CCDC88C: variants seen among roughly 807,000 people sequenced by gnomAD.
The protein encoded by CCDC88C is coiled-coil and HOOK domain protein 88C.
In CCDC88C, 131 loss-of-function variants were observed where a neutral mutation model predicts 198.8. The observed-to-expected ratio is 0.66, with a 90% CI of 0.57 to 0.76. CCDC88C has a LOEUF of 0.76. Ranked by LOEUF, CCDC88C falls within the 30% of genes least tolerant of loss-of-function variation. The pLI, the probability that CCDC88C is intolerant of heterozygous loss-of-function variation, is 0.00. For missense variants in CCDC88C, 2,553 were observed against 2,631.6 expected (o/e 0.97, Z 0.65); for synonymous variants, 1,166 against 1,114.7 (o/e 1.05, Z -0.92).
intron 3 of CCDC88C, among the ~76,000 whole-genome samples, chr14:91,399,815 G>A (rs984177498): frequency 4.0e-5 from 6 of 149,614 alleles, no homozygotes; most frequent in African/African-American, 1.5e-4. Flanking sequence ...CTCCAGCCTG[G>A]GCGACAGAGT....
chr14:91,320,568 C>T lies in CCDC88C; in HGVS notation c.1527+552G>A, dbSNP rs373141576. The stretch of plus-strand genomic sequence containing the variant: ...TGGGAACCTCTGATCTGCAGCCAGC[C>T]GATCAGAAGCACAGGTGACAATCCG... On this transcript the variant is annotated intron_variant, in intron 13 of 29. Transcript: ENST00000389857. Among the ~76,000 whole-genome samples, 11 of 152,262 alleles carry T rather than the reference C, an allele frequency of 7.2e-5. No homozygotes were observed. The East Asian group carries it at 2.1e-3, about 29-fold the overall frequency.
intron 6 of CCDC88C, among the ~76,000 whole-genome samples, chr14:91,340,807 G>C (rs554055301): frequency 2.8e-4 from 42 of 152,230 alleles, no homozygotes; most frequent in African/African-American, 1.0e-3. Context: ...AAAAAACTCA[G>C]CTTGAGCAAC....
chr14:91,356,287 C>T (rs772854930), intron 4 of CCDC88C, among the ~76,000 whole-genome samples: 6 of 152,210 alleles, frequency 3.9e-5, no homozygotes, highest in East Asian at 1.9e-4. Context: ...ACCTACTCAT[C>T]CGTGCACCCA....
Position 91,303,707 on chromosome 14 carries a change from C to G in CCDC88C, c.3629G>C (p.Gly1210Ala), listed in dbSNP as rs748805386. The change falls in exon 20 of 30, where the codon GGG becomes GCG. Residue 1210 changes from glycine (G) to alanine (A), a missense_variant. Transcript: ENST00000389857. ...RNLELEHKEL[G>A]ERHGDMLKRK... is the part of the protein sequence containing the mutation. ...TTCCTTCCCCAGGCCCTACCTCTCC[C>G]CGAGCTCCTTGTGCTCCAGCTCCAG... The G allele has an allele frequency of 1.9e-6, 3 of 1,585,698 alleles. No individual in the cohort carries two copies. In the African/African-American group the frequency reaches 4.0e-5, roughly 21 times the overall value.
intron 13 of CCDC88C, among the ~76,000 whole-genome samples, chr14:91,317,852 C>T (rs1892171777): frequency 6.6e-6 from 1 of 152,186 alleles, no homozygotes; most frequent in Non-Finnish European, 1.5e-5. Flanking sequence ...GTGGGCGACG[C>T]CCCCGCCAGG....
chr14:91,308,129 GCCACTGC>G (rs1029510693), intron 17 of CCDC88C, among the ~76,000 whole-genome samples: 2 of 152,202 alleles, frequency 1.3e-5, no homozygotes, highest in Non-Finnish European at 2.9e-5. Context: ...GCTGCTCTAG[GCCACTGC>G]CCGCCTCCCC....
At chr14:91,290,309 C>A (rs1200982652) in intron 24 of CCDC88C, among the ~76,000 whole-genome samples, 3 of 152,200 alleles carry the variant, frequency 2.0e-5, no homozygotes, top group Middle Eastern at 3.2e-3. Flanking sequence ...TAAGCACACA[C>A]ACAAAAACCA....
intron 10 of CCDC88C, among the ~76,000 whole-genome samples, chr14:91,329,824 A>G (rs1395511998): frequency 6.6e-6 from 1 of 152,230 alleles, no homozygotes; most frequent in Non-Finnish European, 1.5e-5. Context: ...CTCCACAGAT[A>G]CACAAGGTCG....
In CCDC88C at chr14:91,297,437, G is replaced by A; in HGVS notation, c.3834C>T (p.His1278=). The A allele has an allele frequency of 6.3e-7, 1 of 1,598,092 alleles. No homozygotes were observed. The highest frequency in any genetic ancestry group is 8.5e-7 in the Non-Finnish European group (1 of 1,172,308). The change falls in exon 22 of 30, where the codon CAC becomes CAT. Residue 1278 remains histidine, a synonymous_variant. Coordinates refer to ENST00000389857, the MANE Select transcript of CCDC88C (RefSeq NM_001080414.4). ...LKGEYEELHA[H]TKELKTSLNN... is the part of the protein sequence containing the mutation. Reference sequence around the variant, plus strand: ...TCAGTGAGGTTTTCAGCTCCTTGGTGTGGGCGTGCAGCTCCTCGTACTCCC... The same window carrying A: ...TCAGTGAGGTTTTCAGCTCCTTGGTATGGGCGTGCAGCTCCTCGTACTCCC...
chr14:91,385,453 A>T (rs1885074100), intron 3 of CCDC88C, among the ~76,000 whole-genome samples: 1 of 151,612 alleles, frequency 6.6e-6, no homozygotes, highest in Admixed American at 6.6e-5. Context: ...GGTTCCCAGG[A>T]GGAGGAGCTA....
rs1285123567 is a variant in CCDC88C, at chr14:91,381,670, T to C, written c.271-21959A>G. ...CAACTTGGTGAAACCCCGTCTCTAC[T>C]AAAAATACAAACAATTATCTGGGCA... On this transcript the variant is annotated intron_variant, in intron 3 of 29. Coordinates refer to ENST00000389857, the MANE Select transcript of CCDC88C (RefSeq NM_001080414.4). This position sits in a 1 kb window ranked among gnomAD's most constrained non-coding sequence, Gnocchi z 4.2. 1.3e-5 allele frequency among the ~76,000 whole-genome samples: 2 copies of C among 152,096 alleles called. No homozygotes were observed. The highest frequency in any genetic ancestry group is 4.8e-5 in the African/African-American group (2 of 41,412).
chr14:91,286,352 A>C (rs1890408920), intron 25 of CCDC88C, among the ~76,000 whole-genome samples: 1 of 152,098 alleles, frequency 6.6e-6, no homozygotes, highest in African/African-American at 2.4e-5. Flanking sequence ...GTATCTCTAA[A>C]ATAATCTTTC....
rs1256461441 is a variant in CCDC88C at position 91,283,314 on chromosome 14, G to T, written c.4630+15C>A. On this transcript the variant is annotated intron_variant, in intron 26 of 29. Transcript: ENST00000389857. Reference sequence around the variant, plus strand: ...AGGCCCGACGCTCATGGCTCTGGAAGGGCCTGTGACTCACCTTTGGTGCGG... The same window carrying T: ...AGGCCCGACGCTCATGGCTCTGGAATGGCCTGTGACTCACCTTTGGTGCGG... 2.5e-6 allele frequency: 4 copies of T among 1,611,162 alleles called. No individual in the cohort carries two copies. Among genetic ancestry groups the T allele is most frequent in the Non-Finnish European group, 3.4e-6 (4 of 1,179,180 alleles).
chr14:91,372,528 CGGGGGGGGGCGGGCG>C (rs1567105587), intron 3 of CCDC88C, among the ~76,000 whole-genome samples: 3 of 24,534 alleles, frequency 1.2e-4, no homozygotes, highest in South Asian at 1.1e-3. Flanking sequence ...GGCAGTGGTG[CGGGGGGGGGCGGGCG>C]GGGGGGGGAG....
chr14:91,335,552 G>C (rs1466524229), intron 10 of CCDC88C, among the ~76,000 whole-genome samples: 1 of 152,120 alleles, frequency 6.6e-6, no homozygotes, highest in Non-Finnish European at 1.5e-5. Context: ...GCCATGTTTG[G>C]GTGAGGCGCC....
At chr14:91,287,199 G>T (rs148777287) in intron 25 of CCDC88C, among the ~76,000 whole-genome samples, 1 of 152,268 alleles carries the variant, frequency 6.6e-6, no homozygotes, top group African/African-American at 2.4e-5. Flanking sequence ...TGAGGCAACA[G>T]AACCCCTCTA....
intron 17 of CCDC88C, among the ~76,000 whole-genome samples, chr14:91,307,834 A>T (rs1567065079): frequency 3.3e-5 from 5 of 152,100 alleles, no homozygotes; most frequent in Admixed American, 2.0e-4. Flanking sequence ...GTGTGTAGAG[A>T]GCATGCATGT....
rs149176931 is a variant in CCDC88C, at chr14:91,328,825, C to T, written c.1051-2769G>A. 5.4e-4 allele frequency among the ~76,000 whole-genome samples: 83 copies of T among 152,304 alleles called. No individual in the cohort carries two copies. In the East Asian group the frequency reaches 0.014, roughly 26 times the overall value. ...CCACCAACTCACACCGACAGAGCAC[C>T]CCCAGCACTCCCCACGGAGCACCTA... On this transcript the variant is annotated intron_variant, in intron 10 of 29. Transcript: ENST00000389857.
chr14:91,346,354 T>C (rs1893546524), intron 4 of CCDC88C, among the ~76,000 whole-genome samples: 1 of 152,244 alleles, frequency 6.6e-6, no homozygotes, highest in Admixed American at 6.5e-5. Context: ...ACTTTCCTGC[T>C]CTGGAGGACA....
Sources: gnomAD v4.1 joint callset for allele counts (sites outside exome capture counted in the v4.1 genomes callset) on GRCh38, gnomAD v4.1.1 for gene constraint, Gnocchi (gnomAD v3.1) non-coding constraint, MANE v1.5 for transcripts, NCBI Gene and HGNC (gene_info 2026-07-23, HGNC 2026-07-21) for gene names.